The following CLCN7 variants were observed in gnomAD, a reference collection of about 807,000 sequenced individuals.
CLCN7 encodes the protein Cl-/H+ antiporter 7.
A neutral mutation model predicts 102.1 loss-of-function variants in CLCN7; 60 were observed. The observed-to-expected ratio is 0.59, with a 90% confidence interval of 0.48 to 0.73. The LOEUF (loss-of-function observed/expected upper bound fraction) is 0.73. Among genes scored for constraint, CLCN7 ranks in the 30% least tolerant of loss-of-function variants. CLCN7 has a pLI of 0.00. For synonymous variants in CLCN7, 560 were observed against 490.5 expected (o/e 1.14, Z -1.87); for missense variants, 962 against 1,125.7 (o/e 0.85, Z 2.08).
chr16:1,451,430 C>T (rs920196313), intron 16 of CLCN7, among the ~76,000 whole-genome samples, 193 bp downstream of exon 16: 3 of 152,130 alleles, frequency 2.0e-5, no homozygotes, highest in African/African-American at 7.2e-5. Context: ...TCTTAACCTC[C>T]TAGGCTCAAG....
intron 6 of CLCN7, 28 bp downstream of exon 6, chr16:1,460,390 G>T: frequency 2.0e-6 from 3 of 1,530,194 alleles, no homozygotes; most frequent in Non-Finnish European, 2.7e-6. Context: ...CATGGGGTCC[G>T]CCATAGCTGC....
rs77331902 is a variant in CLCN7, at chr16:1,458,643, G to A, written c.675+464C>T. ...TGCGGCAAGTCTCAGGCTAAGGAAC[G>A]ATGGCGGCACAGACAGAAGCAACCA... On this transcript the variant is annotated intron_variant, in intron 7 of 24. Transcript: ENST00000382745. Among the ~76,000 whole-genome samples, 871 of 152,350 alleles carry A rather than the reference G, an allele frequency of 5.7e-3. 6 individuals are homozygous for A. The highest frequency in any genetic ancestry group is 0.025 in the East Asian group (128 of 5,186).
At position 1,474,985 on chromosome 16, in the gene CLCN7, G is replaced by T; in HGVS notation, c.-11C>A. On this transcript the variant is annotated 5_prime_UTR_variant, in exon 1 of 25. Coordinates refer to ENST00000382745, the MANE Select transcript of CLCN7 (RefSeq NM_001287.6). ...AGAGACGTTGGCCATGGCCCGCCGC[G>T]GAGCGACACCGGCCGGGAAGCGCCG... is the stretch of plus-strand genomic sequence containing the variant. The T allele has an allele frequency of 6.8e-7, 1 of 1,472,526 alleles. No homozygotes were observed. Among genetic ancestry groups the T allele is most frequent in the Admixed American group, 2.2e-5 (1 of 45,484 alleles). The allele number at this position is 1,472,526 out of a possible 1,614,324, so 91.2% of individuals were successfully genotyped here.
chr16:1,450,557 G>C lies in CLCN7; in HGVS notation c.1557C>G (p.Leu519=). The change falls in exon 17 of 25, where the codon CTC becomes CTG. Residue 519 remains leucine (L), a synonymous_variant. Transcript: ENST00000382745. ...VSAGVFIPSL[L]IGAAWGRLFG... is the part of the protein sequence containing the mutation. ...AGAGCCGGCCCCAGGCAGCCCCGAT[G>C]AGCAGGGACGGGATGAAGACCCCGG... The C allele has an allele frequency of 6.2e-7, 1 of 1,611,970 alleles. No individual in the cohort carries two copies. The highest frequency in any genetic ancestry group is 8.5e-7 in the Non-Finnish European group (1 of 1,179,612).
intron 2 of CLCN7, among the ~76,000 whole-genome samples, chr16:1,464,335 T>C (rs1357140755): frequency 2.0e-5 from 3 of 152,214 alleles, no homozygotes; most frequent in African/African-American, 7.2e-5. Context: ...GTGCTGGCTT[T>C]TTCCCTTCTC....
chr16:1,460,680 C>T (rs1288968530), intron 5 of CLCN7, 136 bp downstream of exon 5: 5 of 1,411,564 alleles, frequency 3.5e-6, no homozygotes, highest in Non-Finnish European at 4.9e-6. Flanking sequence ...ACGGCCCAAC[C>T]ATGACAGGGA....
intron 16 of CLCN7, 83 bp from the exon 17 acceptor site, chr16:1,450,749 T>A: frequency 3.4e-6 from 4 of 1,174,448 alleles, no homozygotes; most frequent in Admixed American, 6.0e-5. Context: ...GTCTCGGGCC[T>A]CACAGTCACC....
rs758949757 is a variant in CLCN7, at chr16:1,448,981, G to A, written c.1782C>T (p.Gly594=). Residue 594 remains glycine, a synonymous_variant, in exon 19 of 25, where the codon GGC becomes GGT. Coordinates refer to ENST00000382745, the MANE Select transcript of CLCN7 (RefSeq NM_001287.6). The part of the protein sequence containing the change: ...MLVLMTAKIV[G]DVFIEGLYDM... ...CCTGGCGCACCTCAATGAAGACGTC[G>A]CCCACGATCTTGGCGGTCATGAGCA... 13 of 1,612,512 alleles carry A rather than the reference G, an allele frequency of 8.1e-6. 1 individual carries two copies. The East Asian group carries it at 1.3e-4, about 17-fold the overall frequency.
In CLCN7 at chr16:1,446,534, G is replaced by C; in HGVS notation, c.*97C>G. ...AGGGTGCTCGCCATTGCCACTGCTG[G>C]GGAGCATGGTTTGGGCCGAGAAACC... On this transcript the variant is annotated 3_prime_UTR_variant, in exon 25 of 25. Coordinates refer to ENST00000382745, the MANE Select transcript of CLCN7 (RefSeq NM_001287.6). 8.6e-7 allele frequency: 1 copy of C among 1,156,572 alleles called. No homozygotes were observed. Among genetic ancestry groups the C allele is most frequent in the South Asian group, 1.3e-5 (1 of 76,432 alleles). The allele number at this position is 1,156,572 out of a possible 1,614,324, so 71.6% of individuals were successfully genotyped here. A position where few individuals can be genotyped will look rare whatever the true frequency, so the allele number is the denominator to read the frequency against.
At chr16:1,459,606 T>G (rs1478251017) in intron 6 of CLCN7, among the ~76,000 whole-genome samples, 34 of 12,322 alleles carry the variant, frequency 2.8e-3, no homozygotes, top group East Asian at 6.9e-3. Flanking sequence ...CAGCACACAC[T>G]TCGGGGCCCC....
intron 15 of CLCN7, chr16:1,452,509 T>C (rs1398712970): frequency 5.4e-6 from 3 of 552,932 alleles, no homozygotes; most frequent in Non-Finnish European, 9.7e-6. Flanking sequence ...GCTGCCATTC[T>C]GGGAAGAGGA....
At position 1,457,110 on chromosome 16, in the gene CLCN7, G is replaced by A. The variant is rs997636955; in HGVS notation, c.822+144C>T. ...TGCCGGGCAGGGACTGTGCCCGCTG[G>A]CTCTGGGAGCCACCCGCCAGGCTGT... On this transcript the variant is annotated intron_variant, in intron 9 of 24. Coordinates refer to ENST00000382745, the MANE Select transcript of CLCN7 (RefSeq NM_001287.6). The surrounding 1 kb of genome is among the most constrained non-coding windows in gnomAD (Gnocchi z 5.4). The A allele has an allele frequency of 2.6e-6, 2 of 776,212 alleles. No individual in the cohort carries two copies. The highest frequency in any genetic ancestry group is 3.4e-5 in the African/African-American group (2 of 58,556). 48.1% of individuals were successfully genotyped at this position (776,212 alleles called of 1,614,324 possible).
chr16:1,453,985 G>A, intron 13 of CLCN7, 91 bp from the exon 14 acceptor site: 2 of 1,283,570 alleles, frequency 1.6e-6, no homozygotes, highest in Non-Finnish European at 2.3e-6. Context: ...AAGCTGGAGG[G>A]TTTGCAGAGG....
chr16:1,461,054 C>A (rs1048236732), intron 4 of CLCN7, 106 bp from the exon 5 acceptor site: 1 of 1,415,858 alleles, frequency 7.1e-7, no homozygotes, highest in South Asian at 1.2e-5. Context: ...TATGAAGGGC[C>A]CAGTGTGCAC....
chr16:1,448,268 C>T, intron 21 of CLCN7, 87 bp downstream of exon 21: 5 of 1,560,552 alleles, frequency 3.2e-6, no homozygotes, highest in Non-Finnish European at 4.4e-6. Flanking sequence ...GCAGCTTCCC[C>T]ATCCTGCAAA....
intron 1 of CLCN7, among the ~76,000 whole-genome samples, chr16:1,470,410 C>T (rs562262304): frequency 5.1e-4 from 78 of 152,342 alleles, no homozygotes; most frequent in Non-Finnish European, 5.6e-4. Flanking sequence ...TAACATTCAG[C>T]AGGCCTCTGC....
At chr16:1,463,291 G>A (rs2038963554) in intron 2 of CLCN7, among the ~76,000 whole-genome samples, 1 of 152,110 alleles carries the variant, frequency 6.6e-6, no homozygotes, top group Admixed American at 6.6e-5. Context: ...TCTTAGATTT[G>A]ACACCAAAAG....
intron 1 of CLCN7, among the ~76,000 whole-genome samples, chr16:1,469,796 C>A (rs2039051928): frequency 6.6e-6 from 1 of 152,238 alleles, no homozygotes; most frequent in Non-Finnish European, 1.5e-5. Flanking sequence ...TTCACAATGA[C>A]CAAAATGCGG....
In CLCN7 at chr16:1,448,672, G is replaced by A; in HGVS notation, c.1883+9C>T. On this transcript the variant is annotated intron_variant, in intron 20 of 24. Coordinates refer to ENST00000382745, the MANE Select transcript of CLCN7 (RefSeq NM_001287.6). ...CCCTCCCCACCCACAGGTGTCCTGG[G>A]CGCTGTACCTGGCAGTGAGTGAGTG... The A allele has an allele frequency of 3.1e-6, 5 of 1,612,502 alleles. No individual in the cohort carries two copies. The highest frequency in any genetic ancestry group is 4.2e-6 in the Non-Finnish European group (5 of 1,179,920).
Sources: allele counts gnomAD v4.1 joint callset (sites outside exome capture counted in the v4.1 genomes callset), GRCh38; gene constraint gnomAD v4.1.1; non-coding constraint Gnocchi (gnomAD v3.1); transcripts MANE v1.5; gene names NCBI Gene and HGNC (gene_info 2026-07-23, HGNC 2026-07-21).